CNTN5: variants seen among roughly 807,000 people sequenced by gnomAD.
CNTN5 encodes contactin 5, also known as contactin-5.
CNTN5 carries 77 observed loss-of-function variants against 129.1 expected under a neutral mutation model. The ratio of observed to expected loss-of-function variants is 0.60; its 90% CI spans 0.50 to 0.72. The LOEUF (loss-of-function observed/expected upper bound fraction) is 0.72, where lower values mean the gene tolerates loss of function less well. CNTN5 is among the 30% of genes least tolerant of loss of function. The pLI is 0.00. For missense variants in CNTN5, 1,478 were observed against 1,328.8 expected (o/e 1.11, Z -1.75); for synonymous variants, 509 against 465.6 (o/e 1.09, Z -1.20).
chr11:99,453,104 C>T lies in CNTN5; in HGVS notation c.-70-103041C>T, dbSNP rs190446405. Among the ~76,000 whole-genome samples, 7 of 152,166 alleles carry T rather than the reference C, an allele frequency of 4.6e-5. No homozygotes were observed. The East Asian group carries it at 1.2e-3, about 25-fold the overall frequency. Reference sequence around the variant, plus strand: ...CCTGTAATGTTTTATTTTCATATTTCGGTTAGAACCTGTAAAAGTAGCACT... The same window carrying T: ...CCTGTAATGTTTTATTTTCATATTTTGGTTAGAACCTGTAAAAGTAGCACT... On this transcript the variant is annotated intron_variant, in intron 2 of 24. Coordinates refer to ENST00000524871, the MANE Select transcript of CNTN5 (RefSeq NM_014361.4).
At chr11:99,399,165 A>AC (rs11387683) in intron 2 of CNTN5, among the ~76,000 whole-genome samples, 2 of 151,336 alleles carry the variant, frequency 1.3e-5, no homozygotes, top group Non-Finnish European at 3.0e-5. Context: ...AATAAAAAAA[A>AC]CTAAAATATT....
In CNTN5 at chr11:99,610,648, A is replaced by G. The variant is rs1221481469; in HGVS notation, c.55+54379A>G. ...CAGACGGGAAAATTACTACAAGGGA[A>G]CATGTGAAGAACATGTGATATTAAA... On this transcript the variant is annotated intron_variant, in intron 3 of 24. Coordinates refer to ENST00000524871, the MANE Select transcript of CNTN5 (RefSeq NM_014361.4). Among the ~76,000 whole-genome samples the G allele has an allele frequency of 2.6e-5, 4 of 152,176 alleles. No homozygotes were observed. In the East Asian group the frequency reaches 5.8e-4, roughly 22 times the overall value.
At chr11:99,177,855 A>G (rs1057117721) in intron 1 of CNTN5, among the ~76,000 whole-genome samples, 3 of 152,214 alleles carry the variant, frequency 2.0e-5, no homozygotes, top group South Asian at 2.1e-4. Flanking sequence ...CATATAATAC[A>G]TGTACATGAA....
intron 1 of CNTN5, among the ~76,000 whole-genome samples, chr11:99,211,453 T>A (rs988946688): frequency 6.6e-6 from 1 of 152,156 alleles, no homozygotes; most frequent in African/African-American, 2.4e-5. Context: ...ATGTGAGTCA[T>A]ATGTGACATA....
At chr11:99,169,247 T>C (rs1471519364) in intron 1 of CNTN5, among the ~76,000 whole-genome samples, 1 of 152,090 alleles carries the variant, frequency 6.6e-6, no homozygotes, top group Admixed American at 6.6e-5. Flanking sequence ...GCTTCCAGAG[T>C]GATCCCTGAA....
intron 8 of CNTN5, among the ~76,000 whole-genome samples, chr11:99,964,117 G>A (rs1180165343): frequency 1.3e-5 from 2 of 152,116 alleles, no homozygotes; most frequent in African/African-American, 4.8e-5. Flanking sequence ...GGGACAATTT[G>A]ACAATTCCTC....
In CNTN5 at chr11:100,061,332, T is replaced by C; in HGVS notation, c.1101T>C (p.Tyr367=). 6.2e-7 allele frequency: 1 copy of C among 1,613,134 alleles called. No homozygotes were observed. Residue 367 remains tyrosine, a synonymous_variant, in exon 10 of 25, where the codon TAT becomes TAC. Coordinates refer to ENST00000524871, the MANE Select transcript of CNTN5 (RefSeq NM_014361.4). ...TACAGCTGGATGATGCAGGCATTTA[T>C]GAGTGCAGAGCTGAAAACTCACGTG... ...PNVQLDDAGI[Y]ECRAENSRGK... is the part of the protein sequence containing the mutation.
intron 1 of CNTN5, chr11:99,120,455 A>G (rs929667769): frequency 2.0e-5 from 3 of 152,340 alleles, no homozygotes; most frequent in Middle Eastern, 6.8e-3. Flanking sequence ...GAGCCATATA[A>G]CTAGACGCTG....
chr11:99,123,050 G>C (rs1380970632), intron 1 of CNTN5, among the ~76,000 whole-genome samples: 1 of 151,808 alleles, frequency 6.6e-6, no homozygotes, highest in African/African-American at 2.4e-5. Flanking sequence ...TATTCTTTTG[G>C]GTATATACCC....
intron 2 of CNTN5, among the ~76,000 whole-genome samples, chr11:99,335,729 G>A (rs887472175): frequency 1.3e-5 from 2 of 152,046 alleles, no homozygotes; most frequent in African/African-American, 4.8e-5. Context: ...CATGGGTGAG[G>A]GTTGACTTTA....
intron 13 of CNTN5, among the ~76,000 whole-genome samples, chr11:100,146,838 T>A (rs900667505): frequency 2.0e-5 from 3 of 152,170 alleles, no homozygotes; most frequent in Admixed American, 2.0e-4. Context: ...TCTTTAAGTA[T>A]ACATATTAGT....
intron 2 of CNTN5, among the ~76,000 whole-genome samples, chr11:99,500,673 A>T (rs1166428456): frequency 6.6e-6 from 1 of 152,096 alleles, no homozygotes; most frequent in African/African-American, 2.4e-5. Flanking sequence ...TGAATTGTAT[A>T]TATCTTAATT....
intron 2 of CNTN5, among the ~76,000 whole-genome samples, chr11:99,474,174 A>T (rs1341628901): frequency 1.3e-5 from 2 of 151,856 alleles, no homozygotes; most frequent in Non-Finnish European, 2.9e-5. Flanking sequence ...TTTATATATA[A>T]AAAATACTGT....
rs773271305 is a variant in CNTN5, at chr11:99,579,939, C to G, written c.55+23670C>G. On this transcript the variant is annotated intron_variant, in intron 3 of 24. Coordinates refer to ENST00000524871, the MANE Select transcript of CNTN5 (RefSeq NM_014361.4). ...TCAAAGAGAATGCTTCCAGTTTTTGCCCATTCAGTATGATATTGGCTGTGG... is the reference window on the plus strand; with the variant it reads ...TCAAAGAGAATGCTTCCAGTTTTTGGCCATTCAGTATGATATTGGCTGTGG... 7.4e-3 allele frequency among the ~76,000 whole-genome samples: 1,107 copies of G among 150,588 alleles called. 11 individuals are homozygous for G. Among genetic ancestry groups the G allele is most frequent in the Non-Finnish European group, 7.5e-3 (511 of 67,728 alleles).
chr11:99,221,727 T>G (rs1860406576), intron 1 of CNTN5, among the ~76,000 whole-genome samples: 1 of 151,946 alleles, frequency 6.6e-6, no homozygotes, highest in African/African-American at 2.4e-5. Context: ...ACTCATGCCT[T>G]TTGTATTAAT....
chr11:99,835,486 G>T (rs1465968056), intron 4 of CNTN5, among the ~76,000 whole-genome samples: 1 of 152,120 alleles, frequency 6.6e-6, no homozygotes, highest in Non-Finnish European at 1.5e-5. Context: ...AAAGCTGTCA[G>T]CAGTCAAAGA....
intron 6 of CNTN5, among the ~76,000 whole-genome samples, chr11:99,859,010 G>C (rs929155481): frequency 2.0e-5 from 3 of 152,114 alleles, no homozygotes; most frequent in Admixed American, 6.6e-5. Context: ...CCTGAAGGAG[G>C]TAACCAACTT....
chr11:99,480,121 G>A (rs899494089), intron 2 of CNTN5, among the ~76,000 whole-genome samples: 3 of 152,116 alleles, frequency 2.0e-5, no homozygotes, highest in Admixed American at 6.5e-5. Context: ...AAGTAAGCAT[G>A]ATTTTTTCTG....
chr11:100,211,008 G>A (rs549754005), intron 15 of CNTN5, among the ~76,000 whole-genome samples: 26 of 152,208 alleles, frequency 1.7e-4, no homozygotes, highest in African/African-American at 5.8e-4. Context: ...AATAAAAACT[G>A]TCTGTAGTTA....
Sources: gnomAD v4.1 joint callset for allele counts (sites outside exome capture counted in the v4.1 genomes callset) on GRCh38, gnomAD v4.1.1 for gene constraint, MANE v1.5 for transcripts, NCBI Gene and HGNC (gene_info 2026-07-23, HGNC 2026-07-21) for gene names.